Variants in ENGASE observed in about 807,000 individuals in gnomAD.
The protein encoded by ENGASE is cytosolic endo-beta-N-acetylglucosaminidase.
In ENGASE, 69 loss-of-function variants were observed where a neutral mutation model predicts 78.5. The observed-to-expected ratio is 0.88, with a 90% CI of 0.72 to 1.07. The LOEUF is 1.07. Ranked by LOEUF, ENGASE falls within the 50% of genes least tolerant of loss-of-function variation. The probability of loss-of-function intolerance (pLI) is 0.00; values close to 1 mark genes in which losing one functional copy is unlikely to be tolerated. For synonymous variants in ENGASE, 408 were observed against 408.9 expected (o/e 1.00, Z 0.03); for missense variants, 943 against 988.4 (o/e 0.95, Z 0.62).
At chr17:79,078,008 T>G (rs1371520031) in intron 3 of ENGASE, 144 bp downstream of exon 3, 1 of 814,900 alleles carries the variant, frequency 1.2e-6, no homozygotes, top group Non-Finnish European at 1.9e-6. Flanking sequence ...TGGCACTAAC[T>G]GCGAGAAGAA....
rs1373486597 is a variant in ENGASE at position 79,087,112 on chromosome 17, G to A, written c.*763G>A. 7 of 453,322 alleles carry A rather than the reference G, an allele frequency of 1.5e-5. No individual in the cohort carries two copies. Among genetic ancestry groups the A allele is most frequent in the Admixed American group, 7.1e-5 (3 of 42,512 alleles). 28.1% of individuals were successfully genotyped at this position (453,322 alleles called of 1,614,324 possible). A position where few individuals can be genotyped will look rare whatever the true frequency, so the allele number is the denominator to read the frequency against. ...GGGAAGTGGCTCTGAGGCAGTCTGC[G>A]CTGTGGCCCTGCCTCTGCCCAGCGA... On this transcript the variant is annotated 3_prime_UTR_variant, in exon 14 of 14. Coordinates refer to ENST00000579016, the MANE Select transcript of ENGASE (RefSeq NM_001042573.3).
rs373937960 is a variant in ENGASE at position 79,083,799 on chromosome 17, G to A, written c.1290G>A (p.Gln430=). The change falls in exon 10 of 14, where the codon CAG becomes CAA. Residue 430 remains glutamine, a synonymous_variant. Coordinates refer to ENST00000579016, the MANE Select transcript of ENGASE (RefSeq NM_001042573.3). This position sits in a 1 kb window ranked among gnomAD's most constrained non-coding sequence, Gnocchi z 4.9. ...GGCCCTGGTACCACCTGAGCGCCCAGGAGATCCAGCCCTTGTTTGGAGAAC... is the reference window on the plus strand; with the variant it reads ...GGCCCTGGTACCACCTGAGCGCCCAAGAGATCCAGCCCTTGTTTGGAGAAC... ...AVGPWYHLSA[Q]EIQPLFGEHR... The A allele has an allele frequency of 1.9e-6, 3 of 1,612,350 alleles. No individual in the cohort carries two copies. Among genetic ancestry groups the A allele is most frequent in the Non-Finnish European group, 2.5e-6 (3 of 1,179,404 alleles).
rs1191980086 is a variant in ENGASE at position 79,081,071 on chromosome 17, C to T, written c.870C>T (p.Asn290=). The change falls in exon 6 of 14, where the codon AAC becomes AAT. Residue 290 remains asparagine (N), a splice_region_variant and synonymous_variant. Transcript: ENST00000579016. ...GGCAAGACGAACTCAACCAGCACAACAGGTGAGCCTGCAGACAGGTGCTGT... is the reference window on the plus strand; with the variant it reads ...GGCAAGACGAACTCAACCAGCACAATAGGTGAGCCTGCAGACAGGTGCTGT... ...LKWQDELNQH[N]RVFFDSCDGF... 6 of 1,593,014 alleles carry T rather than the reference C, an allele frequency of 3.8e-6. No individual in the cohort carries two copies. The highest frequency in any genetic ancestry group is 5.1e-6 in the Non-Finnish European group (6 of 1,171,252).
chr17:79,079,157 C>T (rs1436665321), intron 3 of ENGASE, among the ~76,000 whole-genome samples: 1 of 152,104 alleles, frequency 6.6e-6, no homozygotes, highest in African/African-American at 2.4e-5. Flanking sequence ...TGGGACCTGA[C>T]TCTGTTTCTT....
chr17:79,086,530 G>A lies in ENGASE; in HGVS notation c.*181G>A. On this transcript the variant is annotated 3_prime_UTR_variant, in exon 14 of 14. Coordinates refer to ENST00000579016, the MANE Select transcript of ENGASE (RefSeq NM_001042573.3). ...TTTCTGGTGGGGGGCGATGGAAACA[G>A]GAAACCAAGCAGTGGGATCGCAGCG... 7.0e-6 allele frequency: 5 copies of A among 711,176 alleles called. No individual in the cohort carries two copies. Among genetic ancestry groups the A allele is most frequent in the Non-Finnish European group, 1.1e-5 (5 of 441,198 alleles). 44.1% of individuals were successfully genotyped at this position (711,176 alleles called of 1,614,324 possible).
chr17:79,084,120 T>C, intron 10 of ENGASE, 169 bp downstream of exon 10: 1 of 633,476 alleles, frequency 1.6e-6, no homozygotes, highest in Non-Finnish European at 2.7e-6. Context: ...TTCACCATCT[T>C]GACCCTGTTG....
rs571207917 is a variant in ENGASE at position 79,087,058 on chromosome 17, C to T, written c.*709C>T. ...GCGTTTTCAGCAGCCCCTGGCTCTG[C>T]GGCGTCTCTTCCGGGCTGTGGGCAT... On this transcript the variant is annotated 3_prime_UTR_variant, in exon 14 of 14. Transcript: ENST00000579016. 6.3e-5 allele frequency: 30 copies of T among 474,108 alleles called. No individual in the cohort carries two copies. The highest frequency in any genetic ancestry group is 4.7e-4 in the African/African-American group (24 of 50,928). 29.4% of individuals were successfully genotyped at this position (474,108 alleles called of 1,614,324 possible). A position where few individuals can be genotyped will look rare whatever the true frequency, so the allele number is the denominator to read the frequency against.
intron 3 of ENGASE, 96 bp downstream of exon 3, chr17:79,077,960 G>T: frequency 7.7e-7 from 1 of 1,296,480 alleles, no homozygotes; most frequent in Non-Finnish European, 1.1e-6. Context: ...TGTAGAAAGA[G>T]CACTGGGCGG....
chr17:79,075,665 G>A (rs979199247), intron 1 of ENGASE: 5 of 984,992 alleles, frequency 5.1e-6, no homozygotes, highest in Middle Eastern at 5.2e-4. Flanking sequence ...TGCCCACCCG[G>A]TAAACTCCCC....
Position 79,075,032 on chromosome 17 carries a change from A to G in ENGASE, c.88A>G (p.Thr30Ala), listed in dbSNP as rs948924069. The stretch of plus-strand genomic sequence containing the variant: ...GGGGCTGGCGGCCCCGGAGGCGGGG[A>G]CGCAGGAGGAGCAGGAGGATCAGGA... ...LQGLAAPEAG[T>A]QEEQEDQEPR... Residue 30 changes from threonine to alanine, a missense_variant, in exon 1 of 14, where the codon ACG becomes GCG. Transcript: ENST00000579016. 8.4e-7 allele frequency: 1 copy of G among 1,196,520 alleles called. No individual in the cohort carries two copies. Among genetic ancestry groups the G allele is most frequent in the East Asian group, 3.3e-5 (1 of 30,368 alleles). The allele number at this position is 1,196,520 out of a possible 1,614,324, so 74.1% of individuals were successfully genotyped here.
At position 79,086,102 on chromosome 17, in the gene ENGASE, G is replaced by A. The variant is rs1371488979; in HGVS notation, c.1985G>A (p.Arg662Gln). Residue 662 changes from arginine (R) to glutamine (Q), a missense_variant, in exon 14 of 14, where the codon CGA becomes CAA. Coordinates refer to ENST00000579016, the MANE Select transcript of ENGASE (RefSeq NM_001042573.3). ...SFLLSQVRCFRIHCWGGMSDD... is the reference protein window; with the variant it reads ...SFLLSQVRCFQIHCWGGMSDD... ...CTCCTCTCACAAGTCCGTTGCTTCCGAATCCACTGCTGGGGAGGGATGAGT... is the reference window on the plus strand; with the variant it reads ...CTCCTCTCACAAGTCCGTTGCTTCCAAATCCACTGCTGGGGAGGGATGAGT... 13 of 1,613,592 alleles carry A rather than the reference G, an allele frequency of 8.1e-6. No homozygotes were observed. Among genetic ancestry groups the A allele is most frequent in the Middle Eastern group, 3.3e-4 (2 of 6,084 alleles).
Position 79,079,425 on chromosome 17 carries a change from G to T in ENGASE, c.417-64G>T, listed in dbSNP as rs535730398. The T allele has an allele frequency of 6.6e-5, 103 of 1,560,450 alleles. 1 individual carries two copies. Among genetic ancestry groups the T allele is most frequent in the South Asian group, 3.6e-4 (30 of 84,116 alleles). On this transcript the variant is annotated intron_variant, in intron 3 of 13. Transcript: ENST00000579016. ...TCAAGTGATCCACCTGCCTTGGCCT[G>T]CCAAAGTGCTGGGAATAAAGGCATG...
chr17:79,078,396 T>C (rs2073021452), intron 3 of ENGASE, among the ~76,000 whole-genome samples: 1 of 152,144 alleles, frequency 6.6e-6, no homozygotes, highest in Non-Finnish European at 1.5e-5. Context: ...TATGTCCCTT[T>C]CAGCTCTAGA....
chr17:79,076,927 T>TA (rs1244956631), intron 1 of ENGASE, among the ~76,000 whole-genome samples: 1 of 151,968 alleles, frequency 6.6e-6, no homozygotes, highest in Non-Finnish European at 1.5e-5. Flanking sequence ...AGTTGGAGTG[T>TA]AGTGGCACAG....
In ENGASE at chr17:79,081,054, G is replaced by C; in HGVS notation, c.853G>C (p.Glu285Gln). 1 of 1,428,406 alleles carries C rather than the reference G, an allele frequency of 7.0e-7. No individual in the cohort carries two copies. The highest frequency in any genetic ancestry group is 1.9e-5 in the Admixed American group (1 of 53,298). 88.5% of individuals were successfully genotyped at this position (1,428,406 alleles called of 1,614,324 possible). The change falls in exon 6 of 14, where the codon GAA becomes CAA. Residue 285 changes from glutamate to glutamine, a missense_variant. Glu to Gln is a conservative substitution (Grantham distance 29, BLOSUM62 2). Coordinates refer to ENST00000579016, the MANE Select transcript of ENGASE (RefSeq NM_001042573.3). ...VQSGQLKWQD[E>Q]LNQHNRVFFD... ...AAGTGGGCAGCTCAAATGGCAAGAC[G>C]AACTCAACCAGCACAACAGGTGAGC...
intron 7 of ENGASE, chr17:79,082,665 A>G: frequency 7.6e-7 from 1 of 1,311,016 alleles, no homozygotes; most frequent in Non-Finnish European, 1.0e-6. Context: ...GCTTTAAATG[A>G]GTAAATTAAT....
rs915810203 is a variant in ENGASE, at chr17:79,083,227, G to A, written c.1142+104G>A. On this transcript the variant is annotated intron_variant, in intron 8 of 13. Transcript: ENST00000579016. This position sits in a 1 kb window ranked among gnomAD's most constrained non-coding sequence, Gnocchi z 4.9. ...GTGCTCTTTAGTGACCCTTCCTATG[G>A]GGGGGTGGTTAAGGGAGGATGACAG... 2 of 926,200 alleles carry A rather than the reference G, an allele frequency of 2.2e-6. No individual in the cohort carries two copies. Among genetic ancestry groups the A allele is most frequent in the African/African-American group, 1.6e-5 (1 of 60,772 alleles). The allele number at this position is 926,200 out of a possible 1,614,324, so 57.4% of individuals were successfully genotyped here.
chr17:79,086,876 A>G lies in ENGASE; in HGVS notation c.*527A>G. 2.2e-6 allele frequency: 1 copy of G among 450,712 alleles called. No homozygotes were observed. Among genetic ancestry groups the G allele is most frequent in the South Asian group, 1.6e-5 (1 of 64,370 alleles). The allele number at this position is 450,712 out of a possible 1,614,324, so 27.9% of individuals were successfully genotyped here. ...ATGGCGGGAGAGGATGCCCTGGAGA[A>G]CCGTCCTCCCAGTGTGGAAGGCCCT... is the stretch of plus-strand genomic sequence containing the variant. On this transcript the variant is annotated 3_prime_UTR_variant, in exon 14 of 14. Transcript: ENST00000579016.
chr17:79,078,652 A>G (rs1022645460), intron 3 of ENGASE, among the ~76,000 whole-genome samples: 1 of 152,202 alleles, frequency 6.6e-6, no homozygotes, highest in African/African-American at 2.4e-5. Context: ...GTTGCCGTGG[A>G]GTCCGCGCGG....
Sources: allele counts gnomAD v4.1 joint callset (sites outside exome capture counted in the v4.1 genomes callset), GRCh38; gene constraint gnomAD v4.1.1; non-coding constraint Gnocchi (gnomAD v3.1); transcripts MANE v1.5; gene names NCBI Gene and HGNC (gene_info 2026-07-23, HGNC 2026-07-21).